Variants in USP3 observed in about 807,000 individuals in gnomAD.
The protein encoded by USP3 is ubiquitin carboxyl-terminal hydrolase 3.
In USP3, 20 loss-of-function variants were observed where a neutral mutation model predicts 72.3. That is an observed-to-expected ratio of 0.28 (90% CI 0.19 to 0.40). The LOEUF is 0.40. Ranked by LOEUF, USP3 falls within the 10% of genes least tolerant of loss-of-function variation. The probability of loss-of-function intolerance (pLI) is 1.00; values close to 1 mark genes in which losing one functional copy is unlikely to be tolerated. For synonymous variants in USP3, 222 were observed against 225.3 expected, an observed-to-expected ratio of 0.99 and a Z score of 0.13; for missense variants, 479 against 633.9, an observed-to-expected ratio of 0.76 and a Z score of 2.62.
chr15:63,512,445 TTTTC>T (rs1196495330), intron 1 of USP3, among the ~76,000 whole-genome samples: 1 of 151,772 alleles, frequency 6.6e-6, no homozygotes, highest in African/African-American at 2.4e-5. Context: ...TCTTCCTTCT[TTTTC>T]TTTCTTCTTT....
In USP3 at chr15:63,524,756, C is replaced by T. The variant is rs377187365; in HGVS notation, c.92-7891C>T. Among the ~76,000 whole-genome samples, 9 of 152,202 alleles carry T rather than the reference C, an allele frequency of 5.9e-5. No individual in the cohort carries two copies. In the East Asian group the frequency reaches 1.5e-3, roughly 26 times the overall value. On this transcript the variant is annotated intron_variant, in intron 1 of 14. Coordinates refer to ENST00000380324, the MANE Select transcript of USP3 (RefSeq NM_006537.4). ...CTGGGTAATTAGACTTCTTACATGG[C>T]GGCTGGCTCTCCCAAGAGCAAGCAT...
At chr15:63,514,840 C>T (rs2065831052) in intron 1 of USP3, among the ~76,000 whole-genome samples, 1 of 152,106 alleles carries the variant, frequency 6.6e-6, no homozygotes, top group Admixed American at 6.5e-5. Context: ...TTTGAAGTGC[C>T]ACCACTGTTT....
intron 11 of USP3, among the ~76,000 whole-genome samples, chr15:63,575,418 A>G (rs759624990): frequency 3.9e-5 from 6 of 152,100 alleles, no homozygotes; most frequent in Non-Finnish European, 8.8e-5. Flanking sequence ...CTGGCATTCT[A>G]TGTAATGTGA....
Position 63,588,987 on chromosome 15 carries a change from C to T in USP3, c.1373C>T (p.Ala458Val). ...GAGAGCTGCCTGTATGACCTCGCCG[C>T]TGTGGTGGTGCACCATGGTTCCGGG... Reference protein sequence around the residue: ...GPESCLYDLAAVVVHHGSGVG... With the variant: ...GPESCLYDLAVVVVHHGSGVG... Residue 458 changes from alanine (A) to valine (V), a missense_variant, in exon 14 of 15, where the codon GCT (alanine) becomes GTT (valine). By Grantham distance (64) the Ala-to-Val change is moderately conservative (BLOSUM62 0). Coordinates refer to ENST00000380324, the MANE Select transcript of USP3 (RefSeq NM_006537.4). The surrounding 1 kb of genome is among the most constrained non-coding windows in gnomAD (Gnocchi z 4.6). 6.2e-7 allele frequency: 1 copy of T among 1,613,856 alleles called. No individual in the cohort carries two copies.
In USP3 at chr15:63,588,086, G is replaced by T; in HGVS notation, c.1097-219G>T. 2.5e-6 allele frequency: 1 copy of T among 395,630 alleles called. No homozygotes were observed. Among genetic ancestry groups the T allele is most frequent in the Non-Finnish European group, 4.5e-6 (1 of 222,300 alleles). 24.5% of individuals were successfully genotyped at this position (395,630 alleles called of 1,614,324 possible). ...CACAATTGATCATCACCAGATGTCA[G>T]GCATGATGCCAGGTGCTCTACACAT... On this transcript the variant is annotated intron_variant, in intron 11 of 14. Transcript: ENST00000380324. This position sits in a 1 kb window ranked among gnomAD's most constrained non-coding sequence, Gnocchi z 4.6.
chr15:63,524,433 T>A (rs559832782), intron 1 of USP3, among the ~76,000 whole-genome samples: 1 of 152,244 alleles, frequency 6.6e-6, no homozygotes, highest in Non-Finnish European at 1.5e-5. Flanking sequence ...TATCTGTTGC[T>A]GCATGACAAA....
In USP3 at chr15:63,594,185, A is replaced by T. The variant is rs2067252410; in HGVS notation, c.*3359A>T. On this transcript the variant is annotated 3_prime_UTR_variant, in exon 15 of 15. Transcript: ENST00000380324. ...AGTGTACATAAGTCTATTTAGATAC[A>T]CTTATCCCACTTTAATCTCCACCAG... 1 of 152,166 alleles carries T rather than the reference A, an allele frequency of 6.6e-6. No homozygotes were observed. 9.4% of individuals were successfully genotyped at this position (152,166 alleles called of 1,614,324 possible).
chr15:63,572,178 A>G (rs1427374416), intron 9 of USP3, among the ~76,000 whole-genome samples: 2 of 152,234 alleles, frequency 1.3e-5, no homozygotes, highest in Admixed American at 6.5e-5. Context: ...CATGGTATAT[A>G]TGAAACTTAA....
chr15:63,520,649 C>T (rs747883676), intron 1 of USP3, among the ~76,000 whole-genome samples: 44 of 150,324 alleles, frequency 2.9e-4, no homozygotes, highest in South Asian at 6.3e-4. Context: ...CTGCAGCCTC[C>T]GCCTCCCAGG....
chr15:63,591,908 C>T lies in USP3; in HGVS notation c.*1082C>T, dbSNP rs902978182. 4 of 152,100 alleles carry T rather than the reference C, an allele frequency of 2.6e-5. No homozygotes were observed. The highest frequency in any genetic ancestry group is 2.1e-4 in the South Asian group (1 of 4,820). 9.4% of individuals were successfully genotyped at this position (152,100 alleles called of 1,614,324 possible). On this transcript the variant is annotated 3_prime_UTR_variant, in exon 15 of 15. Transcript: ENST00000380324. ...TGTTGGAGTAAGTAAGTGGAGTTTT[C>T]GTTTTGTTTTTTGGGGGTTTTTGGA...
chr15:63,565,784 C>T (rs941632270), intron 8 of USP3, among the ~76,000 whole-genome samples: 4 of 152,158 alleles, frequency 2.6e-5, no homozygotes, highest in African/African-American at 9.7e-5. Flanking sequence ...CTCCCAGTGG[C>T]TTTATGGACT....
intron 1 of USP3, among the ~76,000 whole-genome samples, chr15:63,515,957 G>T (rs1239869107): frequency 1.3e-5 from 2 of 152,054 alleles, no homozygotes; most frequent in African/African-American, 4.8e-5. Flanking sequence ...TTCTTAATTT[G>T]TCATTTTTAG....
chr15:63,533,942 T>C (rs779975095), intron 2 of USP3: 3 of 1,008,930 alleles, frequency 3.0e-6, no homozygotes, highest in Non-Finnish European at 3.7e-6. Context: ...TGCAATAAAA[T>C]TTATGTAGTT....
At chr15:63,555,509 A>C (rs1056462799) in intron 4 of USP3, among the ~76,000 whole-genome samples, 4 of 152,242 alleles carry the variant, frequency 2.6e-5, no homozygotes, top group Non-Finnish European at 5.9e-5. Context: ...AGTGGCTACT[A>C]TATTAGATAG....
At position 63,553,796 on chromosome 15, in the gene USP3, AAAGT is replaced by A; in HGVS notation, c.368+5_368+8del. 6.2e-7 allele frequency: 1 copy of A among 1,612,306 alleles called. No homozygotes were observed. Among genetic ancestry groups the A allele is most frequent in the Non-Finnish European group, 8.5e-7 (1 of 1,179,076 alleles). ...TCAGAGAACACTTACAGAACTTGGAAAAGTAAGTAATAGGCCTTTGGAAAAAGAA... is the reference window on the plus strand; with the variant it reads ...TCAGAGAACACTTACAGAACTTGGAAAAGTAATAGGCCTTTGGAAAAAGAA... On this transcript the variant is annotated splice_donor_variant and coding_sequence_variant, in exon 4 of 15. Coordinates refer to ENST00000380324, the MANE Select transcript of USP3 (RefSeq NM_006537.4). LOFTEE classifies it high-confidence loss of function. The surrounding 1 kb of genome is among the most constrained non-coding windows in gnomAD (Gnocchi z 4.2).
intron 1 of USP3, 25 bp downstream of exon 1, chr15:63,504,855 C>T (rs770867143): frequency 6.4e-7 from 1 of 1,558,874 alleles, no homozygotes; most frequent in Non-Finnish European, 8.7e-7. Context: ...GGGCCGGCCC[C>T]GCAGCGCACC....
chr15:63,524,870 T>C (rs6494410), intron 1 of USP3, among the ~76,000 whole-genome samples: 116,862 of 152,114 alleles, frequency 0.77, 46,585 homozygotes, highest in African/African-American at 0.84. Context: ...TTCAGTGCGT[T>C]GGGGCAGTCA....
At chr15:63,562,015 G>C (rs975326162) in intron 7 of USP3, among the ~76,000 whole-genome samples, 4 of 152,180 alleles carry the variant, frequency 2.6e-5, no homozygotes, top group African/African-American at 4.8e-5. Flanking sequence ...TGTCTAGGGT[G>C]GTTTGACAAA....
At chr15:63,557,678 T>C (rs2066536144) in intron 5 of USP3, among the ~76,000 whole-genome samples, 1 of 152,228 alleles carries the variant, frequency 6.6e-6, no homozygotes, top group African/African-American at 2.4e-5. Flanking sequence ...CGTGTATTGG[T>C]CGTTTATGTA....
Sources: allele counts gnomAD v4.1 joint callset (sites outside exome capture counted in the v4.1 genomes callset), GRCh38; gene constraint gnomAD v4.1.1; non-coding constraint Gnocchi (gnomAD v3.1); transcripts MANE v1.5; gene names NCBI Gene and HGNC (gene_info 2026-07-23, HGNC 2026-07-21).